The following MAP3K15 variants were observed in gnomAD, a reference collection of about 807,000 sequenced individuals.
MAP3K15 encodes MAPK/ERK kinase kinase 15.
In MAP3K15, 124 loss-of-function variants were observed where a neutral mutation model predicts 99.5. The observed-to-expected ratio is 1.25, with a 90% CI of 1.08 to 1.45. The LOEUF (loss-of-function observed/expected upper bound fraction) is 1.45, where lower values mean the gene tolerates loss of function less well. Ranked by LOEUF, MAP3K15 falls within the 40% of genes most tolerant of loss-of-function variation. The pLI, the probability that MAP3K15 is intolerant of heterozygous loss-of-function variation, is 0.00. For synonymous variants in MAP3K15, 494 were observed against 439.6 expected (o/e 1.12, Z -1.55); for missense variants, 1,242 against 1,079.7 (o/e 1.15, Z -2.11).
At chrX:19,457,956 G>A (rs760787586) in intron 5 of MAP3K15, among the ~76,000 whole-genome samples, 1 of 111,954 alleles carries the variant, frequency 8.9e-6, no homozygotes, top group Non-Finnish European at 1.9e-5. Flanking sequence ...TCCTTGGGTT[G>A]AGAACCACTG....
At chrX:19,431,841 G>C (rs1217633046) in intron 6 of MAP3K15, among the ~76,000 whole-genome samples, 1 of 110,697 alleles carries the variant, frequency 9.0e-6, no homozygotes. Flanking sequence ...CTACTTGGGA[G>C]TATGAGGCAG....
intron 28 of MAP3K15, 163 bp from the exon 29 acceptor site, chrX:19,360,996 G>C (rs985392445): frequency 2.3e-6 from 1 of 428,753 alleles, no homozygotes; most frequent in Admixed American, 4.4e-5. Context: ...TTAGAGGTAC[G>C]TACCTGCAGA....
chrX:19,417,331 G>A lies in MAP3K15; in HGVS notation c.1440-2074C>T, dbSNP rs186132455. ...GGTGACAGACGGCACCTGGAAAATC[G>A]GGTCGCTCCCACCCTAATACTGCGC... On this transcript the variant is annotated intron_variant, in intron 9 of 28. Transcript: ENST00000338883. Among the ~76,000 whole-genome samples the A allele has an allele frequency of 1.3e-4, 15 of 112,131 alleles. No individual in the cohort carries two copies. In the East Asian group the frequency reaches 1.4e-3, roughly 11 times the overall value.
At chrX:19,458,768 C>T (rs1208301802) in intron 5 of MAP3K15, among the ~76,000 whole-genome samples, 1 of 112,186 alleles carries the variant, frequency 8.9e-6, no homozygotes, top group Non-Finnish European at 1.9e-5. Flanking sequence ...GAGTTCCTTA[C>T]TGGTTGACTC....
chrX:19,480,871 T>C (rs1473743027), intron 3 of MAP3K15, among the ~76,000 whole-genome samples: 1 of 106,163 alleles, frequency 9.4e-6, no homozygotes, highest in Non-Finnish European at 1.9e-5. Flanking sequence ...TCCCAGCACT[T>C]TGGGAGGCTG....
intron 2 of MAP3K15, 133 bp from the exon 3 acceptor site, chrX:19,486,638 G>T: frequency 3.7e-6 from 1 of 271,968 alleles, no homozygotes; most frequent in Non-Finnish European, 6.4e-6. Context: ...CCACCTTAGA[G>T]CAAGAATTAA....
At position 19,398,269 on chromosome X, in the gene MAP3K15, G is replaced by C; in HGVS notation, c.2023C>G (p.Gln675Glu). 2 of 1,211,132 alleles carry C rather than the reference G, an allele frequency of 1.7e-6. No homozygotes were observed. The highest frequency in any genetic ancestry group is 2.2e-6 in the Non-Finnish European group (2 of 895,420). Residue 675 changes from glutamine to glutamate, a missense_variant, in exon 15 of 29, where the codon CAA becomes GAA. Transcript: ENST00000338883. The stretch of plus-strand genomic sequence containing the variant: ...ATTTCTTTGATGGCTATTCGCACTT[G>C]ATTGCTCAGATCTCGGCCAGCATAC... ...IVYAGRDLSN[Q>E]VRIAIKEIPE...
At chrX:19,507,436 C>T (rs1470828761) in intron 1 of MAP3K15, among the ~76,000 whole-genome samples, 1 of 107,713 alleles carries the variant, frequency 9.3e-6, no homozygotes, top group African/African-American at 3.4e-5. Flanking sequence ...ATTAGCCGGG[C>T]ACTGTGGTGC....
In MAP3K15 at chrX:19,458,934, C is replaced by T. The variant is rs148938194; in HGVS notation, c.888+1051G>A. 3.6e-3 allele frequency among the ~76,000 whole-genome samples: 398 copies of T among 111,694 alleles called. 2 individuals are homozygous for T. Among genetic ancestry groups the T allele is most frequent in the African/African-American group, 0.012 (375 of 30,777 alleles). On this transcript the variant is annotated intron_variant, in intron 5 of 28. Coordinates refer to ENST00000338883, the MANE Select transcript of MAP3K15 (RefSeq NM_001001671.4). ...GAAGCCAAGACATCCTTAGAGATGG[C>T]TCAATGGCATTCAACTTGGAGAGAG...
chrX:19,380,209 T>C lies in MAP3K15; in HGVS notation c.2500A>G (p.Ile834Val), dbSNP rs1392970831. ...ATGATGGTGCAGCCCAGGGACCAGATATCGGCTGGGGCACCATATCCGCGA... is the reference window on the plus strand; with the variant it reads ...ATGATGGTGCAGCCCAGGGACCAGACATCGGCTGGGGCACCATATCCGCGA... ...GPRGYGAPAD[I>V]WSLGCTIIEM... The change falls in exon 19 of 29, where the codon ATC becomes GTC. Residue 834 changes from isoleucine (I) to valine (V), a missense_variant. Ile to Val is a conservative substitution (Grantham distance 29, BLOSUM62 3). Transcript: ENST00000338883. The C allele has an allele frequency of 8.3e-7, 1 of 1,206,084 alleles. No individual in the cohort carries two copies. The highest frequency in any genetic ancestry group is 2.2e-5 in the Admixed American group (1 of 45,245).
At chrX:19,431,847 G>A (rs1200058250) in intron 6 of MAP3K15, among the ~76,000 whole-genome samples, 1 of 110,791 alleles carries the variant, frequency 9.0e-6, no homozygotes, top group Non-Finnish European at 1.9e-5. Context: ...GGGAGTATGA[G>A]GCAGGAGAAT....
chrX:19,452,350 G>GA (rs201577736), intron 6 of MAP3K15, among the ~76,000 whole-genome samples: 26 of 1,438 alleles, frequency 0.018, 9 homozygotes, highest in African/African-American at 0.14. Flanking sequence ...GAAGAGAAGA[G>GA]AAAGAGAAGA....
At chrX:19,446,781 T>C (rs966233438) in intron 6 of MAP3K15, among the ~76,000 whole-genome samples, 1 of 111,561 alleles carries the variant, frequency 9.0e-6, no homozygotes, top group African/African-American at 3.3e-5. Flanking sequence ...GAACTTGTAA[T>C]CTGGCACCTG....
chrX:19,426,758 C>A lies in MAP3K15; in HGVS notation c.1167-415G>T, dbSNP rs769562371. On this transcript the variant is annotated intron_variant, in intron 7 of 28. Coordinates refer to ENST00000338883, the MANE Select transcript of MAP3K15 (RefSeq NM_001001671.4). Reference sequence around the variant, plus strand: ...GCTTGAACCCGGGAGGTGGAACCTGCAGTGAGCCAAGATCGTGCCACTGCA... The same window carrying A: ...GCTTGAACCCGGGAGGTGGAACCTGAAGTGAGCCAAGATCGTGCCACTGCA... Among the ~76,000 whole-genome samples, 235 of 92,012 alleles carry A rather than the reference C, an allele frequency of 2.6e-3. 1 individual carries two copies. Among genetic ancestry groups the A allele is most frequent in the African/African-American group, 8.9e-3 (202 of 22,642 alleles). The allele number at this position is 92,012 out of a possible 115,157, so 79.9% of individuals were successfully genotyped here. A position where few individuals can be genotyped will look rare whatever the true frequency, so the allele number is the denominator to read the frequency against.
At chrX:19,416,268 T>G (rs138088849) in intron 9 of MAP3K15, among the ~76,000 whole-genome samples, 2 of 110,392 alleles carry the variant, frequency 1.8e-5, no homozygotes, top group African/African-American at 6.6e-5. Context: ...GAGACGGAGG[T>G]TGCAGTGAGC....
chrX:19,382,747 C>T (rs1233541144), intron 18 of MAP3K15, among the ~76,000 whole-genome samples: 1 of 111,828 alleles, frequency 8.9e-6, no homozygotes, highest in South Asian at 3.7e-4. Context: ...TCCGATGACA[C>T]AATATCCCCT....
rs758292274 is a variant in MAP3K15 at position 19,425,531 on chromosome X, C to A, written c.1439G>T (p.Trp480Leu). Residue 480 changes from tryptophan to leucine, a missense_variant and splice_region_variant, in exon 9 of 29, where the codon TGG (tryptophan) becomes TTG (leucine). Transcript: ENST00000338883. Reference protein sequence around the residue: ...ERLFKLKPPVWYLRSLVQNLL... With the variant: ...ERLFKLKPPVLYLRSLVQNLL... Reference sequence around the variant, plus strand: ...ATGACAACACACAGACACAACTCACCAGACTGGAGGTTTCAGTTTGAACAA... The same window carrying A: ...ATGACAACACACAGACACAACTCACAAGACTGGAGGTTTCAGTTTGAACAA... The A allele has an allele frequency of 1.7e-6, 2 of 1,193,734 alleles. No homozygotes were observed. Among genetic ancestry groups the A allele is most frequent in the Non-Finnish European group, 2.2e-6 (2 of 891,857 alleles).
chrX:19,465,970 T>G (rs2064166176), intron 3 of MAP3K15, among the ~76,000 whole-genome samples: 3 of 109,282 alleles, frequency 2.7e-5, no homozygotes, highest in Non-Finnish European at 1.9e-5. Flanking sequence ...TTTTCTTTTT[T>G]TGAGACAAGG....
chrX:19,470,061 A>T (rs1197208003), intron 3 of MAP3K15, among the ~76,000 whole-genome samples: 1 of 111,854 alleles, frequency 8.9e-6, no homozygotes, highest in Non-Finnish European at 1.9e-5. Context: ...GTATATACCT[A>T]AAGGATTATA....
Sources: allele counts gnomAD v4.1 joint callset (sites outside exome capture counted in the v4.1 genomes callset), GRCh38; gene constraint gnomAD v4.1.1; transcripts MANE v1.5; gene names NCBI Gene and HGNC (gene_info 2026-07-23, HGNC 2026-07-21).